SLIT2: variants seen among roughly 807,000 people sequenced by gnomAD.
SLIT2 encodes the protein slit guidance ligand 2, also known as slit homolog 2 protein.
SLIT2 carries 41 observed loss-of-function variants against 185.7 expected under a neutral mutation model. That is an observed-to-expected ratio of 0.22 (90% CI 0.17 to 0.29). The LOEUF is 0.29. Among genes scored for constraint, SLIT2 ranks in the 10% least tolerant of loss-of-function variants. The pLI is 1.00. For synonymous variants in SLIT2, 693 were observed against 680.2 expected (o/e 1.02, Z -0.29); for missense variants, 1,571 against 1,909.0 (o/e 0.82, Z 3.30).
At chr4:20,464,780 A>G (rs746902646) in intron 4 of SLIT2, among the ~76,000 whole-genome samples, 1 of 152,124 alleles carries the variant, frequency 6.6e-6, no homozygotes, top group East Asian at 1.9e-4. Flanking sequence ...GTGTTGACAC[A>G]TTCACATAAT....
intron 25 of SLIT2, among the ~76,000 whole-genome samples, chr4:20,551,196 A>G (rs909893636): frequency 6.6e-6 from 1 of 152,038 alleles, no homozygotes; most frequent in Non-Finnish European, 1.5e-5. Context: ...TTATTATCTG[A>G]TTCTAGAACA....
intron 4 of SLIT2, among the ~76,000 whole-genome samples, chr4:20,355,415 A>G (rs1722236950): frequency 6.6e-6 from 1 of 151,988 alleles, no homozygotes; most frequent in Admixed American, 6.6e-5. Flanking sequence ...ATGTAATGAG[A>G]AAAAAAACAT....
chr4:20,561,845 C>T (rs1314954422), intron 26 of SLIT2, among the ~76,000 whole-genome samples: 1 of 151,596 alleles, frequency 6.6e-6, no homozygotes, highest in African/African-American at 2.4e-5. Flanking sequence ...AAACTTAAAA[C>T]ACTGGGAAAA....
At chr4:20,486,774 A>G (rs1398720384) in intron 7 of SLIT2, among the ~76,000 whole-genome samples, 1 of 152,128 alleles carries the variant, frequency 6.6e-6, no homozygotes, top group East Asian at 1.9e-4. Context: ...TTTTGGTCTA[A>G]TAAAGTATTG....
intron 4 of SLIT2, among the ~76,000 whole-genome samples, chr4:20,378,764 A>G (rs944694431): frequency 2.6e-5 from 4 of 152,168 alleles, no homozygotes; most frequent in East Asian, 3.8e-4. Flanking sequence ...TTGAAAACTC[A>G]TACTACATGA....
intron 8 of SLIT2, among the ~76,000 whole-genome samples, chr4:20,491,058 TA>T (rs1387018327): frequency 6.6e-6 from 1 of 152,218 alleles, no homozygotes; most frequent in African/African-American, 2.4e-5. Context: ...ATGTCTCATT[TA>T]AAAATTGTTC....
At chr4:20,507,478 C>A (rs1251003700) in intron 9 of SLIT2, among the ~76,000 whole-genome samples, 1 of 151,818 alleles carries the variant, frequency 6.6e-6, no homozygotes, top group East Asian at 1.9e-4. Context: ...AGTCTCTATG[C>A]TGAATATAGC....
At chr4:20,488,068 A>G (rs1284586925) in intron 7 of SLIT2, among the ~76,000 whole-genome samples, 9 of 152,170 alleles carry the variant, frequency 5.9e-5, no homozygotes, top group Admixed American at 2.6e-4. Context: ...AATTTAGTGG[A>G]TACATTTGTC....
chr4:20,266,460 G>GT (rs1202357653), intron 3 of SLIT2, among the ~76,000 whole-genome samples: 7 of 151,916 alleles, frequency 4.6e-5, no homozygotes, highest in Admixed American at 2.0e-4. Context: ...CCCAAGGCAG[G>GT]TGCCTCAGGG....
At chr4:20,452,822 T>C (rs999878418) in intron 4 of SLIT2, among the ~76,000 whole-genome samples, 1 of 152,210 alleles carries the variant, frequency 6.6e-6, no homozygotes, top group Non-Finnish European at 1.5e-5. Flanking sequence ...TCTGCTGCTG[T>C]GGGAACCGAG....
At chr4:20,333,243 T>C (rs1720219073) in intron 4 of SLIT2, among the ~76,000 whole-genome samples, 1 of 152,102 alleles carries the variant, frequency 6.6e-6, no homozygotes, top group Admixed American at 6.6e-5. Context: ...TGAGACACCT[T>C]TTATGTTTTA....
chr4:20,456,817 AG>A (rs1255066312), intron 4 of SLIT2, among the ~76,000 whole-genome samples: 2 of 152,140 alleles, frequency 1.3e-5, no homozygotes, highest in Non-Finnish European at 2.9e-5. Context: ...ACTGAGACTG[AG>A]ACTATAGTTT....
At chr4:20,324,045 T>C (rs1719330367) in intron 4 of SLIT2, among the ~76,000 whole-genome samples, 1 of 152,224 alleles carries the variant, frequency 6.6e-6, no homozygotes, top group East Asian at 1.9e-4. Context: ...ACAATAAGAT[T>C]GTGAACACTT....
intron 4 of SLIT2, among the ~76,000 whole-genome samples, chr4:20,391,265 A>G (rs910814489): frequency 2.6e-5 from 4 of 152,128 alleles, no homozygotes; most frequent in African/African-American, 9.7e-5. Context: ...CACAATGCAC[A>G]TAACCCATCT....
chr4:20,458,166 G>A (rs1257214102), intron 4 of SLIT2, among the ~76,000 whole-genome samples: 9 of 151,172 alleles, frequency 6.0e-5, no homozygotes, highest in Non-Finnish European at 1.0e-4. Flanking sequence ...CAGTGTGAAC[G>A]TACTTAACAC....
intron 29 of SLIT2, among the ~76,000 whole-genome samples, chr4:20,575,420 T>G (rs946619492): frequency 6.6e-6 from 1 of 151,646 alleles, no homozygotes; most frequent in East Asian, 1.9e-4. Context: ...CATTGTTAAT[T>G]TAAAAGAACT....
chr4:20,475,316 G>GTTTTTTTTTTTTTTT (rs5856561), intron 5 of SLIT2, among the ~76,000 whole-genome samples: 1 of 140,806 alleles, frequency 7.1e-6, no homozygotes, highest in Non-Finnish European at 1.5e-5. Flanking sequence ...TGAGGTTTTG[G>GTTTTTTTTTTTTTTT]TTTTTTTTTT....
chr4:20,256,622 G>A, intron 1 of SLIT2, 50 bp from the exon 2 acceptor site: 1 of 928,448 alleles, frequency 1.1e-6, no homozygotes. Flanking sequence ...ACTTGAAGCA[G>A]GTAAACATAG....
chr4:20,311,011 A>G (rs780053356), intron 4 of SLIT2, among the ~76,000 whole-genome samples: 3 of 152,166 alleles, frequency 2.0e-5, no homozygotes, highest in Admixed American at 6.5e-5. Context: ...CAGCCTTCCT[A>G]GTAGCTGGAT....
Sources: gnomAD v4.1 joint callset for allele counts (sites outside exome capture counted in the v4.1 genomes callset) on GRCh38, gnomAD v4.1.1 for gene constraint, MANE v1.5 for transcripts, NCBI Gene and HGNC (gene_info 2026-07-23, HGNC 2026-07-21) for gene names.